Variants in ADAMTS20 observed in about 807,000 individuals in gnomAD.
The protein encoded by ADAMTS20 is ADAM metallopeptidase with thrombospondin type 1 motif 20.
In ADAMTS20, 225 loss-of-function variants were observed where a neutral mutation model predicts 260.1. That is an observed-to-expected ratio of 0.87 (90% confidence interval 0.78 to 0.97). The LOEUF (loss-of-function observed/expected upper bound fraction) is 0.97, where lower values mean the gene tolerates loss of function less well. ADAMTS20 is among the 50% of genes least tolerant of loss of function. The pLI is 0.00. For missense variants in ADAMTS20, 2,400 were observed against 2,337.7 expected, an observed-to-expected ratio of 1.03 and a Z score of -0.55; for synonymous variants, 802 against 769.5, an observed-to-expected ratio of 1.04 and a Z score of -0.70.
intron 19 of ADAMTS20, 143 bp from the exon 20 acceptor site, chr12:43,432,954 G>T: frequency 1.4e-6 from 1 of 709,090 alleles, no homozygotes; most frequent in Non-Finnish European, 2.3e-6. Context: ...CAGCCAGGAA[G>T]CCAGCATTAT....
chr12:43,530,418 C>T (rs1024200705), intron 3 of ADAMTS20, among the ~76,000 whole-genome samples: 1 of 152,046 alleles, frequency 6.6e-6, no homozygotes, highest in Non-Finnish European at 1.5e-5. Context: ...AAAATGAAAC[C>T]CTTATGCTCA....
intron 7 of ADAMTS20, among the ~76,000 whole-genome samples, chr12:43,475,950 C>T (rs1268277530): frequency 5.3e-5 from 7 of 131,708 alleles, no homozygotes; most frequent in Non-Finnish European, 9.6e-5. Flanking sequence ...ACTTCATGTC[C>T]AAAACACCAA....
intron 28 of ADAMTS20, among the ~76,000 whole-genome samples, chr12:43,403,688 T>C (rs1940857132): frequency 1.3e-5 from 2 of 152,040 alleles, no homozygotes; most frequent in African/African-American, 4.8e-5. Context: ...TCTGTAATGC[T>C]ATAGCAAAAT....
intron 15 of ADAMTS20, among the ~76,000 whole-genome samples, chr12:43,446,130 A>G (rs889473580): frequency 6.6e-6 from 1 of 152,178 alleles, no homozygotes; most frequent in Non-Finnish European, 1.5e-5. Flanking sequence ...ACCTTCAATC[A>G]ACATTTTCTA....
At chr12:43,487,875 T>C (rs958571431) in intron 7 of ADAMTS20, among the ~76,000 whole-genome samples, 4 of 152,062 alleles carry the variant, frequency 2.6e-5, no homozygotes, top group African/African-American at 9.7e-5. Flanking sequence ...AAATAGCAAA[T>C]ATGGTCCCAT....
At chr12:43,546,687 C>A (rs1943444228) in intron 2 of ADAMTS20, among the ~76,000 whole-genome samples, 2 of 152,106 alleles carry the variant, frequency 1.3e-5, no homozygotes. Context: ...GTCCTGGTAA[C>A]TATACATGTT....
chr12:43,461,038 A>C (rs1448300576), intron 11 of ADAMTS20, among the ~76,000 whole-genome samples: 22 of 114,946 alleles, frequency 1.9e-4, no homozygotes, highest in Non-Finnish European at 2.6e-4. Context: ...CTTGTCCCCT[A>C]GTAGTGCAAA....
At chr12:43,532,556 T>TTG (rs1943239561) in intron 2 of ADAMTS20, among the ~76,000 whole-genome samples, 1 of 10,822 alleles carries the variant, frequency 9.2e-5, no homozygotes, top group African/African-American at 2.4e-4. Context: ...TTTTTTAATG[T>TTG]TTTTTTTTTT....
intron 31 of ADAMTS20, 77 bp from the exon 32 acceptor site, chr12:43,377,639 T>A (rs1940259901): frequency 8.8e-7 from 1 of 1,132,716 alleles, no homozygotes; most frequent in African/African-American, 1.6e-5. Context: ...ATGCTTAATA[T>A]ATATTATGCT....
intron 4 of ADAMTS20, among the ~76,000 whole-genome samples, chr12:43,494,521 T>C (rs1177915862): frequency 6.6e-6 from 1 of 152,226 alleles, no homozygotes; most frequent in African/African-American, 2.4e-5. Flanking sequence ...ACTACTGTTA[T>C]AGCTGTGCAG....
chr12:43,459,564 C>G (rs1470846949), intron 11 of ADAMTS20, among the ~76,000 whole-genome samples: 2 of 152,174 alleles, frequency 1.3e-5, no homozygotes, highest in African/African-American at 4.8e-5. Flanking sequence ...GCAAGGACCC[C>G]CTGGTAATAT....
intron 5 of ADAMTS20, 92 bp from the exon 6 acceptor site, chr12:43,492,721 G>T: frequency 7.0e-7 from 1 of 1,426,130 alleles, no homozygotes; most frequent in Non-Finnish European, 9.6e-7. Context: ...TTATCAAATA[G>T]CATTCTCACA....
intron 29 of ADAMTS20, among the ~76,000 whole-genome samples, chr12:43,384,884 A>G (rs1340746261): frequency 6.6e-6 from 1 of 152,084 alleles, no homozygotes; most frequent in Non-Finnish European, 1.5e-5. Flanking sequence ...GGTTCAAATT[A>G]TTTGTTATTG....
chr12:43,512,280 T>C (rs573604562), intron 3 of ADAMTS20, among the ~76,000 whole-genome samples: 59 of 149,402 alleles, frequency 3.9e-4, no homozygotes, highest in African/African-American at 1.1e-3. Context: ...AAACTGCCTA[T>C]TGTAATATAA....
chr12:43,502,455 G>T, intron 3 of ADAMTS20, 50 bp from the exon 4 acceptor site: 2 of 1,528,622 alleles, frequency 1.3e-6, no homozygotes, highest in East Asian at 4.7e-5. Flanking sequence ...TGGATGTGAC[G>T]AAAAATATCG....
At chr12:43,388,321 C>T (rs1034040029) in intron 29 of ADAMTS20, among the ~76,000 whole-genome samples, 6 of 152,166 alleles carry the variant, frequency 3.9e-5, no homozygotes, top group African/African-American at 1.2e-4. Flanking sequence ...GAGGCAACAT[C>T]CCGTCCTGCC....
At chr12:43,501,867 C>T (rs1275876147) in intron 4 of ADAMTS20, among the ~76,000 whole-genome samples, 2 of 152,136 alleles carry the variant, frequency 1.3e-5, no homozygotes, top group African/African-American at 2.4e-5. Flanking sequence ...AGTCCTGTCA[C>T]TAGAGGGCAG....
chr12:43,548,099 A>G (rs1410304807), intron 2 of ADAMTS20, among the ~76,000 whole-genome samples: 1 of 152,192 alleles, frequency 6.6e-6, no homozygotes, highest in Admixed American at 6.5e-5. Flanking sequence ...AGAAAAAGAA[A>G]TGAAATTGGA....
chr12:43,377,295 C>T, intron 32 of ADAMTS20, 70 bp downstream of exon 32: 1 of 1,393,284 alleles, frequency 7.2e-7, no homozygotes, highest in African/African-American at 1.4e-5. Flanking sequence ...GACATACAAA[C>T]AGATTACCAG....
Sources: allele counts gnomAD v4.1 joint callset (sites outside exome capture counted in the v4.1 genomes callset), GRCh38; gene constraint gnomAD v4.1.1; transcripts MANE v1.5; gene names NCBI Gene and HGNC (gene_info 2026-07-23, HGNC 2026-07-21).